RAC2: variants seen among roughly 807,000 people sequenced by gnomAD.
RAC2 encodes ras-related C3 botulinum toxin substrate 2.
A neutral mutation model predicts 24.0 loss-of-function variants in RAC2; 1 was observed. The observed-to-expected ratio is 0.04, with a 90% confidence interval of 0.01 to 0.20. RAC2 has a LOEUF of 0.20. Ranked by LOEUF, RAC2 falls within the 10% of genes least tolerant of loss-of-function variation. RAC2 has a pLI of 1.00. For synonymous variants in RAC2, 114 were observed against 106.8 expected (o/e 1.07, Z -0.41); for missense variants, 130 against 259.1 (o/e 0.50, Z 3.42).
Position 37,231,576 on chromosome 22 carries a change from T to C in RAC2, c.289-186A>G. 1 of 625,146 alleles carries C rather than the reference T, an allele frequency of 1.6e-6. No individual in the cohort carries two copies. The highest frequency in any genetic ancestry group is 2.8e-6 in the Non-Finnish European group (1 of 354,362). The allele number at this position is 625,146 out of a possible 1,614,324, so 38.7% of individuals were successfully genotyped here. A position where few individuals can be genotyped will look rare whatever the true frequency, so the allele number is the denominator to read the frequency against. The stretch of plus-strand genomic sequence containing the variant: ...GGCACAGGGAGGGGAGGCCACGACG[T>C]TGTGCAGGAAGGAGGGGGCGCATGA... On this transcript the variant is annotated intron_variant, in intron 4 of 6. Transcript: ENST00000249071. This position sits in a 1 kb window ranked among gnomAD's most constrained non-coding sequence, Gnocchi z 5.5.
chr22:37,241,733 T>G, intron 1 of RAC2, 75 bp from the exon 2 acceptor site: 2 of 1,358,108 alleles, frequency 1.5e-6, no homozygotes, highest in Non-Finnish European at 2.1e-6. Context: ...TGCCTGGTCC[T>G]CTGCAAAGAC....
At chr22:37,226,864 C>T in intron 5 of RAC2, 61 bp from the exon 6 acceptor site, 9 of 1,596,948 alleles carry the variant, frequency 5.6e-6, no homozygotes, top group Non-Finnish European at 6.8e-6. Flanking sequence ...TCTGGGCCAA[C>T]ATGTCTCCTA....
At chr22:37,226,857 G>A in intron 5 of RAC2, 54 bp from the exon 6 acceptor site, 8 of 1,547,900 alleles carry the variant, frequency 5.2e-6, no homozygotes, top group Non-Finnish European at 7.1e-6. Flanking sequence ...GGGGGGTTCT[G>A]GGCCAACATG....
intron 2 of RAC2, among the ~76,000 whole-genome samples, chr22:37,236,473 C>T (rs1424325032): frequency 6.6e-6 from 1 of 152,214 alleles, no homozygotes; most frequent in Non-Finnish European, 1.5e-5. Flanking sequence ...CCAAGATCTC[C>T]CAGCCAGTGG....
chr22:37,235,066 C>A (rs1232291670), intron 2 of RAC2, among the ~76,000 whole-genome samples: 1 of 152,122 alleles, frequency 6.6e-6, no homozygotes, highest in Admixed American at 6.5e-5. Flanking sequence ...AGGCCTGTCA[C>A]CCAGTGAATG....
intron 2 of RAC2, among the ~76,000 whole-genome samples, chr22:37,236,933 G>A (rs954734164): frequency 6.6e-6 from 1 of 152,188 alleles, no homozygotes; most frequent in African/African-American, 2.4e-5. Flanking sequence ...GCTCACGCCT[G>A]TAATCCCAGC....
intron 5 of RAC2, 92 bp from the exon 6 acceptor site, chr22:37,226,895 G>T: frequency 6.7e-7 from 1 of 1,494,780 alleles, no homozygotes; most frequent in Non-Finnish European, 9.2e-7. Context: ...CCCCTTCCAC[G>T]CCATACACCC....
chr22:37,232,005 A>G lies in RAC2; in HGVS notation c.226-11T>C, dbSNP rs1201844772. On this transcript the variant is annotated splice_polypyrimidine_tract_variant and intron_variant, in intron 3 of 6. Coordinates refer to ENST00000249071, the MANE Select transcript of RAC2 (RefSeq NM_002872.5). ...GATGAGGAAGACGTCCTGGGGACAG[A>G]GCAAGCGAGGTTGCTAGTGAGGAGG... The G allele has an allele frequency of 6.6e-7, 1 of 1,521,582 alleles. No homozygotes were observed. Among genetic ancestry groups the G allele is most frequent in the African/African-American group, 1.7e-5 (1 of 59,454 alleles). The allele number at this position is 1,521,582 out of a possible 1,614,324, so 94.3% of individuals were successfully genotyped here. A position where few individuals can be genotyped will look rare whatever the true frequency, so the allele number is the denominator to read the frequency against.
intron 2 of RAC2, among the ~76,000 whole-genome samples, chr22:37,241,325 C>G (rs1348639642): frequency 6.6e-6 from 1 of 152,214 alleles, no homozygotes; most frequent in East Asian, 1.9e-4. Flanking sequence ...TCCTCCACGT[C>G]CCTTTGCTTG....
intron 1 of RAC2, among the ~76,000 whole-genome samples, chr22:37,243,144 G>A (rs919115567): frequency 2.0e-5 from 3 of 152,146 alleles, no homozygotes; most frequent in Non-Finnish European, 2.9e-5. Context: ...GACTGCAGGC[G>A]CATATGCCAC....
intron 2 of RAC2, among the ~76,000 whole-genome samples, chr22:37,236,864 C>G (rs1284454959): frequency 1.3e-5 from 2 of 152,138 alleles, no homozygotes; most frequent in Non-Finnish European, 2.9e-5. Context: ...AGGGGCCAAG[C>G]CAGGCAGAGG....
chr22:37,241,717 G>A (rs1035822730), intron 1 of RAC2, 59 bp from the exon 2 acceptor site: 202 of 1,495,544 alleles, frequency 1.4e-4, no homozygotes, highest in Non-Finnish European at 1.8e-4. Context: ...GACGTGGGGA[G>A]GTTTCTGCCT....
intron 2 of RAC2, among the ~76,000 whole-genome samples, chr22:37,240,218 C>G (rs902686813): frequency 1.3e-5 from 2 of 152,194 alleles, no homozygotes; most frequent in East Asian, 1.9e-4. Context: ...GCTCCAGGCT[C>G]TCTTCTCCCT....
At chr22:37,244,081 G>GA in intron 1 of RAC2, 33 bp downstream of exon 1, 2 of 1,613,594 alleles carry the variant, frequency 1.2e-6, no homozygotes, top group Non-Finnish European at 1.7e-6. Context: ...CATCCCAGTT[G>GA]GGGGCTGTGA....
At chr22:37,229,953 C>T (rs1927004259) in intron 5 of RAC2, among the ~76,000 whole-genome samples, 1 of 152,186 alleles carries the variant, frequency 6.6e-6, no homozygotes, top group African/African-American at 2.4e-5. Flanking sequence ...AGGTCAGTGA[C>T]AGCCAGGCCA....
intron 2 of RAC2, chr22:37,240,930 T>G (rs1927368830): frequency 1.5e-6 from 1 of 684,086 alleles, no homozygotes; most frequent in Admixed American, 2.1e-5. Flanking sequence ...TGAAGCAAAG[T>G]AATGGGTAAT....
chr22:37,240,355 G>A (rs191234773), intron 2 of RAC2, among the ~76,000 whole-genome samples: 6 of 152,390 alleles, frequency 3.9e-5, no homozygotes, highest in Middle Eastern at 3.4e-3. Context: ...GGACAGGACC[G>A]TGTAAGCCTG....
chr22:37,227,555 C>T (rs71328605), intron 5 of RAC2, among the ~76,000 whole-genome samples: 77 of 41,074 alleles, frequency 1.9e-3, no homozygotes, highest in Non-Finnish European at 2.7e-3. Flanking sequence ...ACGCCATACA[C>T]CCCTTCCCAT....
chr22:37,231,208 C>G lies in RAC2; in HGVS notation c.448+23G>C, dbSNP rs1201158031. The stretch of plus-strand genomic sequence containing the variant: ...AGGGCCTCCCCTGCAGCCAGATCGC[C>G]CCTCTGAGCCCGAGGCCCATACCAA... On this transcript the variant is annotated intron_variant, in intron 5 of 6. Coordinates refer to ENST00000249071, the MANE Select transcript of RAC2 (RefSeq NM_002872.5). The surrounding 1 kb of genome is among the most constrained non-coding windows in gnomAD (Gnocchi z 5.5). 1 of 1,612,576 alleles carries G rather than the reference C, an allele frequency of 6.2e-7. No individual in the cohort carries two copies. The highest frequency in any genetic ancestry group is 1.7e-5 in the Admixed American group (1 of 60,014).
Sources: allele counts gnomAD v4.1 joint callset (sites outside exome capture counted in the v4.1 genomes callset), GRCh38; gene constraint gnomAD v4.1.1; non-coding constraint Gnocchi (gnomAD v3.1); transcripts MANE v1.5; gene names NCBI Gene and HGNC (gene_info 2026-07-23, HGNC 2026-07-21).